The following RELCH variants were observed in gnomAD, a reference collection of about 807,000 sequenced individuals.
RELCH encodes RAB11-binding protein RELCH.
A neutral mutation model predicts 150.3 loss-of-function variants in RELCH; 41 were observed. The observed-to-expected ratio is 0.27, with a 90% CI of 0.21 to 0.35. The LOEUF (loss-of-function observed/expected upper bound fraction) is 0.35. RELCH is among the 10% of genes least tolerant of loss of function. The probability of loss-of-function intolerance (pLI) is 1.00; values close to 1 mark genes in which losing one functional copy is unlikely to be tolerated. For missense variants in RELCH, 1,092 were observed against 1,467.8 expected (o/e 0.74, Z 4.18); for synonymous variants, 478 against 531.8 (o/e 0.90, Z 1.39).
chr18:62,252,554 A>T, intron 11 of RELCH, 110 bp from the exon 12 acceptor site: 2 of 737,660 alleles, frequency 2.7e-6, no homozygotes, highest in Admixed American at 5.1e-5. Flanking sequence ...ATTTGATTGT[A>T]TAAAAATCTT....
intron 1 of RELCH, among the ~76,000 whole-genome samples, chr18:62,202,498 A>G (rs1025310249): frequency 1.3e-5 from 2 of 152,176 alleles, no homozygotes; most frequent in African/African-American, 4.8e-5. Context: ...CATATTTATT[A>G]TATTAAAAGA....
At chr18:62,303,933 A>G (rs2045774620) in intron 28 of RELCH, among the ~76,000 whole-genome samples, 1 of 152,246 alleles carries the variant, frequency 6.6e-6, no homozygotes, top group African/African-American at 2.4e-5. Context: ...TGAGTTGTGA[A>G]GTATTAGCCA....
In RELCH at chr18:62,291,623, G is replaced by A. The variant is rs2045142934; in HGVS notation, c.3451G>A (p.Glu1151Lys). Residue 1151 changes from glutamate (E) to lysine (K), a missense_variant, in exon 27 of 29, where the codon GAG becomes AAG. By Grantham distance (56) the Glu-to-Lys change is moderately conservative (BLOSUM62 1). Coordinates refer to ENST00000644646, the MANE Select transcript of RELCH (RefSeq NM_001346231.2). ...GACTGACATGGAACATCTCTCTCCAGAGCATGAGGTGAGCCACTGTGATTA... is the reference window on the plus strand; with the variant it reads ...GACTGACATGGAACATCTCTCTCCAAAGCATGAGGTGAGCCACTGTGATTA... ...LRTDMEHLSP[E>K]HEVILSSMIK... The A allele has an allele frequency of 6.2e-7, 1 of 1,603,210 alleles. No individual in the cohort carries two copies. The highest frequency in any genetic ancestry group is 1.1e-5 in the South Asian group (1 of 89,888).
chr18:62,279,137 A>G (rs1431582973), intron 22 of RELCH, among the ~76,000 whole-genome samples: 2 of 152,210 alleles, frequency 1.3e-5, no homozygotes, highest in African/African-American at 4.8e-5. Flanking sequence ...AATACTATGT[A>G]TCTAAGACCA....
At chr18:62,277,733 A>T (rs1177442271) in intron 22 of RELCH, 8 of 902,488 alleles carry the variant, frequency 8.9e-6, no homozygotes, top group Non-Finnish European at 1.1e-5. Flanking sequence ...CCAATCAATC[A>T]TATTATTCCC....
At chr18:62,211,642 C>T (rs967906048) in intron 2 of RELCH, among the ~76,000 whole-genome samples, 2 of 151,972 alleles carry the variant, frequency 1.3e-5, no homozygotes, top group African/African-American at 2.4e-5. Flanking sequence ...TTGAACCAGG[C>T]ATGGTGGTTC....
intron 17 of RELCH, 100 bp from the exon 18 acceptor site, chr18:62,264,629 A>C (rs1321452486): frequency 1.1e-6 from 1 of 893,756 alleles, no homozygotes; most frequent in African/African-American, 1.7e-5. Flanking sequence ...TCAAAGAACG[A>C]AATAGAACAG....
chr18:62,252,869 G>A lies in RELCH; in HGVS notation c.1824+115G>A, dbSNP rs1171609205. On this transcript the variant is annotated intron_variant, in intron 12 of 28. Transcript: ENST00000644646. Reference sequence around the variant, plus strand: ...TATGTGGGATATAAATTATGCTGATGTTTCTGTAGCCCAGCACAGTGATTT... The same window carrying A: ...TATGTGGGATATAAATTATGCTGATATTTCTGTAGCCCAGCACAGTGATTT... 5.4e-6 allele frequency: 4 copies of A among 740,082 alleles called. No individual in the cohort carries two copies. In the African/African-American group the frequency reaches 7.1e-5, roughly 13 times the overall value. The allele number at this position is 740,082 out of a possible 1,614,324, so 45.8% of individuals were successfully genotyped here. A position where few individuals can be genotyped will look rare whatever the true frequency, so the allele number is the denominator to read the frequency against.
intron 11 of RELCH, 64 bp downstream of exon 11, chr18:62,244,940 C>A: frequency 9.4e-7 from 1 of 1,063,308 alleles, no homozygotes; most frequent in Non-Finnish European, 1.5e-6. Flanking sequence ...ACTAATTAGG[C>A]ATCAGGATTA....
chr18:62,268,765 G>C, intron 19 of RELCH, 104 bp from the exon 20 acceptor site: 1 of 539,652 alleles, frequency 1.9e-6, no homozygotes, highest in Non-Finnish European at 3.2e-6. Context: ...ATACTTACTT[G>C]TAACCTAGTA....
chr18:62,210,367 G>T (rs2040081547), intron 1 of RELCH, among the ~76,000 whole-genome samples: 1 of 151,928 alleles, frequency 6.6e-6, no homozygotes, highest in African/African-American at 2.4e-5. Flanking sequence ...TGTCCCTAAG[G>T]CTCTGTTAAT....
chr18:62,242,996 C>T (rs954536474), intron 10 of RELCH, among the ~76,000 whole-genome samples: 9 of 152,036 alleles, frequency 5.9e-5, no homozygotes, highest in African/African-American at 2.2e-4. Context: ...GAAACAAGAT[C>T]TGACATGAAG....
chr18:62,270,092 G>A (rs1442340560), intron 20 of RELCH, among the ~76,000 whole-genome samples: 1 of 152,134 alleles, frequency 6.6e-6, no homozygotes, highest in Non-Finnish European at 1.5e-5. Context: ...CAGTAAGTGG[G>A]TTAGCTGAAG....
At chr18:62,301,832 T>C (rs1407325047) in intron 28 of RELCH, among the ~76,000 whole-genome samples, 1 of 152,234 alleles carries the variant, frequency 6.6e-6, no homozygotes, top group Non-Finnish European at 1.5e-5. Flanking sequence ...AAAGTAACAA[T>C]AAGTAATGCT....
intron 23 of RELCH, 185 bp from the exon 24 acceptor site, chr18:62,280,461 G>A (rs368110622): frequency 1.1e-5 from 17 of 1,601,796 alleles, no homozygotes; most frequent in Admixed American, 1.0e-4. Context: ...CACAGACTGC[G>A]ACCTTAAGTT....
At chr18:62,248,104 A>G (rs1207969629) in intron 11 of RELCH, among the ~76,000 whole-genome samples, 1 of 152,210 alleles carries the variant, frequency 6.6e-6, no homozygotes, top group Non-Finnish European at 1.5e-5. Context: ...TGACAGCCTT[A>G]AAAGCATTTT....
intron 1 of RELCH, among the ~76,000 whole-genome samples, chr18:62,190,219 A>C (rs2038519118): frequency 6.6e-6 from 1 of 152,216 alleles, no homozygotes. Context: ...CATACAGTAA[A>C]ATTTACACGT....
At chr18:62,273,547 T>C (rs1337092403) in intron 20 of RELCH, among the ~76,000 whole-genome samples, 1 of 152,188 alleles carries the variant, frequency 6.6e-6, no homozygotes, top group African/African-American at 2.4e-5. Context: ...AAGATTATAC[T>C]TTTTAATGTT....
intron 5 of RELCH, among the ~76,000 whole-genome samples, chr18:62,222,160 T>C (rs2040917622): frequency 6.6e-6 from 1 of 151,968 alleles, no homozygotes; most frequent in South Asian, 2.1e-4. Context: ...TAAATCAAGA[T>C]TATTCTGTTG....
Sources: allele counts gnomAD v4.1 joint callset (sites outside exome capture counted in the v4.1 genomes callset), GRCh38; gene constraint gnomAD v4.1.1; transcripts MANE v1.5; gene names NCBI Gene and HGNC (gene_info 2026-07-23, HGNC 2026-07-21).